Variants in FRMPD2 observed in about 807,000 individuals in gnomAD.
The protein encoded by FRMPD2 is FERM and PDZ domain-containing protein 2.
Under a neutral mutation model 140.1 loss-of-function variants are expected in FRMPD2, and 96 were observed. That is an observed-to-expected ratio of 0.69 (90% CI 0.58 to 0.81). The LOEUF (loss-of-function observed/expected upper bound fraction) is 0.81, where lower values mean the gene tolerates loss of function less well. Ranked by LOEUF, FRMPD2 falls within the 40% of genes least tolerant of loss-of-function variation. The pLI is 0.00. For synonymous variants in FRMPD2, 449 were observed against 547.6 expected (o/e 0.82, Z 2.52); for missense variants, 1,240 against 1,447.4 (o/e 0.86, Z 2.32).
At chr10:48,256,766 C>T (rs2131976067) in intron 1 of FRMPD2, among the ~76,000 whole-genome samples, 1 of 152,314 alleles carries the variant, frequency 6.6e-6, no homozygotes, top group Middle Eastern at 3.4e-3. Flanking sequence ...GGGGACCAGG[C>T]CACTGTCTGT....
intron 8 of FRMPD2, among the ~76,000 whole-genome samples, chr10:48,236,846 T>C (rs981700906): frequency 1.3e-5 from 2 of 152,180 alleles, no homozygotes; most frequent in Non-Finnish European, 2.9e-5. Flanking sequence ...CTCCATCTTT[T>C]GTATGTATCA....
intron 13 of FRMPD2, among the ~76,000 whole-genome samples, chr10:48,210,786 G>A (rs1296924413): frequency 2.6e-5 from 4 of 152,226 alleles, no homozygotes; most frequent in Non-Finnish European, 5.9e-5. Flanking sequence ...AAAAGCAAAG[G>A]CCCAACCTCA....
rs1839616462 is a variant in FRMPD2 at position 48,222,333 on chromosome 10, A to G, written c.1435T>C (p.Phe479Leu). The G allele has an allele frequency of 1.2e-5, 20 of 1,614,042 alleles. No homozygotes were observed. Among genetic ancestry groups the G allele is most frequent in the Non-Finnish European group, 1.6e-5 (19 of 1,179,974 alleles). The change falls in exon 12 of 29, where the codon TTT becomes CTT. Residue 479 changes from phenylalanine (F) to leucine (L), a missense_variant. Around this residue, in one of 6 missense-constraint regions of FRMPD2, gnomAD observed 1,161 missense variants for 1,055.9 expected, o/e 1.10. Coordinates refer to ENST00000374201, the MANE Select transcript of FRMPD2 (RefSeq NM_001018071.4). ...QLGVLALQAE[F>L]GNYPKEQVES... ...CCTACCTCCTTAGGGTAATTGCCAA[A>G]CTCAGCCTGCAAGGCAAGGACCCCC... is the stretch of plus-strand genomic sequence containing the variant.
rs745579801 is a variant in FRMPD2, at chr10:48,223,290, T to C, written c.1169-20A>G. 3 of 1,605,576 alleles carry C rather than the reference T, an allele frequency of 1.9e-6. No homozygotes were observed. The highest frequency in any genetic ancestry group is 2.2e-5 in the South Asian group (2 of 90,138). Reference sequence around the variant, plus strand: ...CTTTGCCTGAAATGGAAATAGAGCATGTGTGGAAGGAGAAGCAGTAGGGAT... The same window carrying C: ...CTTTGCCTGAAATGGAAATAGAGCACGTGTGGAAGGAGAAGCAGTAGGGAT... On this transcript the variant is annotated intron_variant, in intron 10 of 28. Coordinates refer to ENST00000374201, the MANE Select transcript of FRMPD2 (RefSeq NM_001018071.4).
chr10:48,203,400 G>C (rs17010723), intron 14 of FRMPD2, among the ~76,000 whole-genome samples: 6,838 of 152,160 alleles, frequency 0.045, 190 homozygotes, highest in African/African-American at 0.057. Flanking sequence ...CTGTGTATAC[G>C]ATGATGTATA....
chr10:48,233,125 G>A (rs1259748772), intron 9 of FRMPD2, among the ~76,000 whole-genome samples: 1 of 152,166 alleles, frequency 6.6e-6, no homozygotes, highest in Non-Finnish European at 1.5e-5. Context: ...GTTCTCTCTA[G>A]AAGGCAGTCA....
In FRMPD2 at chr10:48,221,978, T is replaced by TTGGATGGATGGA. The variant is rs71026203; in HGVS notation, c.1455+323_1455+334dup. ...GGTGGGTGGGTGGATGGATGGATGG[T>TTGGATGGATGGA]TGGATGGATGGATGGATGGATGGAT... On this transcript the variant is annotated intron_variant, in intron 12 of 28. Coordinates refer to ENST00000374201, the MANE Select transcript of FRMPD2 (RefSeq NM_001018071.4). Among the ~76,000 whole-genome samples the TTGGATGGATGGA allele has an allele frequency of 7.7e-3, 1,044 of 136,368 alleles. 6 individuals are homozygous for TTGGATGGATGGA. The highest frequency in any genetic ancestry group is 0.014 in the African/African-American group (500 of 35,774). The allele number at this position is 136,368 out of a possible 152,430, so 89.5% of individuals were successfully genotyped here. A position where few individuals can be genotyped will look rare whatever the true frequency, so the allele number is the denominator to read the frequency against.
At position 48,207,678 on chromosome 10, in the gene FRMPD2, A is replaced by G. The variant is rs1033010636; in HGVS notation, c.1612-745T>C. On this transcript the variant is annotated intron_variant, in intron 13 of 28. Transcript: ENST00000374201. ...TTTCCCACCTTCATCTTCACCAGGA[A>G]GACGCCAGTCCCCATCAGAAGGTTG... Among the ~76,000 whole-genome samples the G allele has an allele frequency of 3.3e-5, 5 of 152,282 alleles. 1 individual carries two copies. In the South Asian group the frequency reaches 1.0e-3, roughly 32 times the overall value.
At chr10:48,273,686 C>T (rs1046514763) in intron 1 of FRMPD2, among the ~76,000 whole-genome samples, 2 of 152,180 alleles carry the variant, frequency 1.3e-5, no homozygotes, top group African/African-American at 4.8e-5. Context: ...CCCCCCGACC[C>T]CCACTGTCCT....
intron 20 of FRMPD2, among the ~76,000 whole-genome samples, chr10:48,182,800 T>C (rs1248892240): frequency 6.6e-6 from 1 of 152,232 alleles, no homozygotes; most frequent in Non-Finnish European, 1.5e-5. Flanking sequence ...TGGACTATGC[T>C]GAATTGTGAT....
At chr10:48,227,937 A>G (rs560027679) in intron 10 of FRMPD2, among the ~76,000 whole-genome samples, 6 of 152,340 alleles carry the variant, frequency 3.9e-5, no homozygotes, top group African/African-American at 1.4e-4. Flanking sequence ...TAATACAGAC[A>G]TACGACTTCT....
intron 7 of FRMPD2, 21 bp from the exon 8 acceptor site, chr10:48,238,144 G>T (rs375993658): frequency 1.2e-5 from 20 of 1,602,290 alleles, no homozygotes; most frequent in Admixed American, 1.7e-5. Flanking sequence ...GTTGAGAAGG[G>T]GTGAAGCACT....
intron 10 of FRMPD2, 49 bp downstream of exon 10, chr10:48,232,066 G>T (rs1189178634): frequency 2.5e-6 from 4 of 1,577,384 alleles, no homozygotes; most frequent in Non-Finnish European, 1.7e-6. Context: ...CAGATACCTG[G>T]GTTACCAGAG....
At chr10:48,249,216 C>T (rs1406395578) in intron 2 of FRMPD2, 38 bp from the exon 3 acceptor site, 15 of 1,600,912 alleles carry the variant, frequency 9.4e-6, no homozygotes, top group Non-Finnish European at 1.3e-5. Context: ...AGAGACAGAG[C>T]TTCCATCTGG....
intron 15 of FRMPD2, among the ~76,000 whole-genome samples, chr10:48,198,813 C>G (rs1173836985): frequency 6.6e-6 from 1 of 152,090 alleles, no homozygotes; most frequent in Non-Finnish European, 1.5e-5. Context: ...TAGCTGTATT[C>G]CTGGGTATTT....
intron 1 of FRMPD2, among the ~76,000 whole-genome samples, chr10:48,261,444 G>A (rs1840588860): frequency 6.6e-6 from 1 of 152,024 alleles, no homozygotes; most frequent in Middle Eastern, 3.2e-3. Flanking sequence ...AAAAGGATAA[G>A]AATTACAATG....
chr10:48,255,061 G>A (rs570189699), intron 1 of FRMPD2, among the ~76,000 whole-genome samples: 13 of 152,252 alleles, frequency 8.5e-5, no homozygotes, highest in African/African-American at 2.9e-4. Context: ...AGGATGTTCT[G>A]GGAAAGCATC....
intron 3 of FRMPD2, among the ~76,000 whole-genome samples, chr10:48,247,086 AAT>A (rs746620961): frequency 1.3e-4 from 20 of 152,296 alleles, no homozygotes; most frequent in Admixed American, 5.9e-4. Context: ...AGGACTCAGC[AAT>A]ACATTTAGCC....
At chr10:48,262,888 G>A (rs1564443648) in intron 1 of FRMPD2, among the ~76,000 whole-genome samples, 1 of 151,974 alleles carries the variant, frequency 6.6e-6, no homozygotes, top group Non-Finnish European at 1.5e-5. Context: ...CAATTCTCGT[G>A]CCTCAGCCTC....
Sources: gnomAD v4.1 joint callset for allele counts (sites outside exome capture counted in the v4.1 genomes callset) on GRCh38, gnomAD v4.1.1 for gene constraint, gnomAD v4.1.1 regional missense constraint, MANE v1.5 for transcripts, NCBI Gene and HGNC (gene_info 2026-07-23, HGNC 2026-07-21) for gene names.